TMTC2: variants seen among roughly 807,000 people sequenced by gnomAD.
TMTC2 encodes protein O-mannosyl-transferase TMTC2.
A neutral mutation model predicts 82.4 loss-of-function variants in TMTC2; 43 were observed. That is an observed-to-expected ratio of 0.52 (90% CI 0.41 to 0.67). The LOEUF (loss-of-function observed/expected upper bound fraction) is 0.67, where lower values mean the gene tolerates loss of function less well. Among genes scored for constraint, TMTC2 ranks in the 30% least tolerant of loss-of-function variants. The pLI is 0.00. For synonymous variants in TMTC2, 408 were observed against 381.9 expected (o/e 1.07, Z -0.80); for missense variants, 919 against 1,012.4 (o/e 0.91, Z 1.25).
chr12:82,988,176 A>G (rs1565841082), intron 8 of TMTC2, among the ~76,000 whole-genome samples: 1 of 152,210 alleles, frequency 6.6e-6, no homozygotes, highest in Non-Finnish European at 1.5e-5. Context: ...AACAATAGGA[A>G]TGGGAAGAGA....
intron 4 of TMTC2, among the ~76,000 whole-genome samples, chr12:82,942,959 T>G (rs1371645154): frequency 6.6e-6 from 1 of 152,228 alleles, no homozygotes; most frequent in Non-Finnish European, 1.5e-5. Context: ...AATTTTATCT[T>G]GCAGCATTCA....
chr12:82,897,056 C>A (rs1024298533), intron 3 of TMTC2, among the ~76,000 whole-genome samples: 1 of 152,176 alleles, frequency 6.6e-6, no homozygotes, highest in African/African-American at 2.4e-5. Flanking sequence ...CAAGCATCGC[C>A]TGAGGAAATA....
chr12:82,907,161 A>C (rs1874360255), intron 3 of TMTC2, among the ~76,000 whole-genome samples: 1 of 152,028 alleles, frequency 6.6e-6, no homozygotes, highest in South Asian at 2.1e-4. Context: ...AGAAGTTCAG[A>C]CGCCTTTAAG....
At chr12:83,053,844 G>C (rs974127605) in intron 10 of TMTC2, among the ~76,000 whole-genome samples, 1 of 152,072 alleles carries the variant, frequency 6.6e-6, no homozygotes, top group African/African-American at 2.4e-5. Flanking sequence ...AAACATAAGA[G>C]CCTCTTAGAG....
At chr12:83,010,882 TG>T (rs1880425945) in intron 8 of TMTC2, among the ~76,000 whole-genome samples, 1 of 152,198 alleles carries the variant, frequency 6.6e-6, no homozygotes. Flanking sequence ...TCACCCAGGC[TG>T]GAGTGCAATG....
intron 1 of TMTC2, among the ~76,000 whole-genome samples, chr12:82,802,775 G>A (rs1437696431): frequency 6.6e-6 from 1 of 152,124 alleles, no homozygotes; most frequent in African/African-American, 2.4e-5. Context: ...GTTGATGATA[G>A]CACGCTAAGG....
intron 1 of TMTC2, among the ~76,000 whole-genome samples, chr12:82,798,424 G>T (rs549506757): frequency 6.8e-6 from 1 of 147,182 alleles, no homozygotes; most frequent in Non-Finnish European, 1.5e-5. Context: ...GTGAACCTGG[G>T]AGGCGGAGCT....
chr12:83,038,927 G>GTT lies in TMTC2; in HGVS notation c.2152+8068_2152+8069dup, dbSNP rs537630267. On this transcript the variant is annotated intron_variant, in intron 9 of 11. Transcript: ENST00000321196. Reference sequence around the variant, plus strand: ...AAAATATGAAAGAACAAGCACCTTGGTTTTTTTTTTTTTTTTTTTTTGAGA... The same window carrying GTT: ...AAAATATGAAAGAACAAGCACCTTGGTTTTTTTTTTTTTTTTTTTTTTTGAGA... Among the ~76,000 whole-genome samples, 479 of 109,102 alleles carry GTT rather than the reference G, an allele frequency of 4.4e-3. 8 individuals carry two copies. Among genetic ancestry groups the GTT allele is most frequent in the African/African-American group, 0.013 (358 of 27,434 alleles). 71.6% of individuals were successfully genotyped at this position (109,102 alleles called of 152,430 possible). A position where few individuals can be genotyped will look rare whatever the true frequency, so the allele number is the denominator to read the frequency against.
chr12:83,043,878 A>C (rs1168026109), intron 9 of TMTC2, among the ~76,000 whole-genome samples: 1 of 152,240 alleles, frequency 6.6e-6, no homozygotes, highest in Non-Finnish European at 1.5e-5. Flanking sequence ...TTCACAATAC[A>C]ATAGCATATA....
At chr12:82,740,977 G>A (rs971444587) in intron 1 of TMTC2, among the ~76,000 whole-genome samples, 3 of 152,168 alleles carry the variant, frequency 2.0e-5, no homozygotes, top group Non-Finnish European at 2.9e-5. Flanking sequence ...GTCTTGATGT[G>A]AAGGAGGTGG....
intron 7 of TMTC2, among the ~76,000 whole-genome samples, chr12:82,974,037 C>G (rs956135456): frequency 1.3e-5 from 2 of 152,148 alleles, no homozygotes; most frequent in African/African-American, 4.8e-5. Context: ...TCCTTATTCT[C>G]TGATTCCCAA....
chr12:82,689,889 C>T (rs1025113886), intron 1 of TMTC2, among the ~76,000 whole-genome samples: 4 of 152,140 alleles, frequency 2.6e-5, no homozygotes, highest in African/African-American at 9.7e-5. Context: ...TATTGAGGGC[C>T]TGTAACTGTG....
At chr12:82,764,979 G>GGGT (rs1555183513) in intron 1 of TMTC2, among the ~76,000 whole-genome samples, 5 of 149,050 alleles carry the variant, frequency 3.4e-5, no homozygotes, top group African/African-American at 4.9e-5. Flanking sequence ...GTGGGCGGGG[G>GGGT]GGTGACTGCA....
chr12:82,961,539 C>T (rs1312472130), intron 4 of TMTC2, among the ~76,000 whole-genome samples: 4 of 152,004 alleles, frequency 2.6e-5, no homozygotes, highest in East Asian at 1.9e-4. Context: ...GATTTAGTAT[C>T]GGAAACTGTT....
At chr12:83,004,894 G>A (rs1880101204) in intron 8 of TMTC2, among the ~76,000 whole-genome samples, 1 of 151,492 alleles carries the variant, frequency 6.6e-6, no homozygotes, top group South Asian at 2.1e-4. Flanking sequence ...GGAGGCCAAG[G>A]CAGGCAGATC....
At chr12:82,957,320 A>AT (rs1369011338) in intron 4 of TMTC2, among the ~76,000 whole-genome samples, 2 of 152,120 alleles carry the variant, frequency 1.3e-5, no homozygotes, top group African/African-American at 2.4e-5. Context: ...AGAAATCAAA[A>AT]TTTTTTTAAG....
chr12:82,885,197 C>A (rs1185041819), intron 2 of TMTC2, among the ~76,000 whole-genome samples: 2 of 149,564 alleles, frequency 1.3e-5, no homozygotes, highest in Non-Finnish European at 2.9e-5. Flanking sequence ...GCTACCACAC[C>A]CAGCCAGACT....
intron 1 of TMTC2, among the ~76,000 whole-genome samples, chr12:82,794,245 C>G (rs1565753058): frequency 1.3e-5 from 2 of 152,236 alleles, no homozygotes; most frequent in South Asian, 4.1e-4. Flanking sequence ...TCACTCCTCC[C>G]CTCATCCTTT....
intron 10 of TMTC2, among the ~76,000 whole-genome samples, chr12:83,058,210 G>T (rs188812078): frequency 6.6e-6 from 1 of 151,792 alleles, no homozygotes; most frequent in African/African-American, 2.4e-5. Flanking sequence ...ATGGAATTCC[G>T]CAGTACGCAA....
Sources: allele counts gnomAD v4.1 joint callset (sites outside exome capture counted in the v4.1 genomes callset), GRCh38; gene constraint gnomAD v4.1.1; transcripts MANE v1.5; gene names NCBI Gene and HGNC (gene_info 2026-07-23, HGNC 2026-07-21).